The following ALOX15 variants were observed in gnomAD, a reference collection of about 807,000 sequenced individuals.
The protein encoded by ALOX15 is polyunsaturated fatty acid lipoxygenase ALOX15.
In ALOX15, 68 loss-of-function variants were observed where a neutral mutation model predicts 71.7. That is an observed-to-expected ratio of 0.95 (90% confidence interval 0.78 to 1.16). The LOEUF (loss-of-function observed/expected upper bound fraction) is 1.16. ALOX15 is among the 50% of genes most tolerant of loss of function. ALOX15 has a pLI of 0.00. For synonymous variants in ALOX15, 346 were observed against 333.3 expected (o/e 1.04, Z -0.42); for missense variants, 798 against 818.8 (o/e 0.97, Z 0.31).
intron 1 of ALOX15, 110 bp from the exon 2 acceptor site, chr17:4,639,741 G>A: frequency 1.8e-6 from 2 of 1,120,692 alleles, no homozygotes; most frequent in Non-Finnish European, 2.5e-6. Context: ...TCTGAGAGGA[G>A]GAGACGTATC....
chr17:4,638,718 T>G, intron 4 of ALOX15, 34 bp from the exon 5 acceptor site: 1 of 1,613,372 alleles, frequency 6.2e-7, no homozygotes, highest in Non-Finnish European at 8.5e-7. Flanking sequence ...GGTTTGAGCA[T>G]CATTCTGAGG....
chr17:4,633,322 A>C lies in ALOX15; in HGVS notation c.1249-7T>G. The C allele has an allele frequency of 6.2e-7, 1 of 1,612,834 alleles. No homozygotes were observed. The highest frequency in any genetic ancestry group is 2.2e-5 in the East Asian group (1 of 44,840). On this transcript the variant is annotated splice_polypyrimidine_tract_variant and splice_region_variant and intron_variant, in intron 9 of 13. Transcript: ENST00000293761. ...CCCCACCAGTGCTCATTATCTGAGA[A>C]GTGAGGGTGAGCAGGGTCAGGCGAA... is the stretch of plus-strand genomic sequence containing the variant.
rs150908337 is a variant in ALOX15, at chr17:4,635,988, G to C, written c.952-20C>G. ...CTGGAGCTGGAGCAGGGACAAGTGT[G>C]GGGAGAGAAGGCATGAGTGCCAGGC... is the stretch of plus-strand genomic sequence containing the variant. On this transcript the variant is annotated intron_variant, in intron 7 of 13. Transcript: ENST00000293761. The C allele has an allele frequency of 5.6e-4, 898 of 1,610,848 alleles. 10 individuals are homozygous for C. The African/African-American group carries it at 1.0e-2, about 18-fold the overall frequency.
Position 4,632,916 on chromosome 17 carries a change from C to T in ALOX15, c.1485G>A (p.Leu495=). The T allele has an allele frequency of 1.9e-6, 3 of 1,614,130 alleles. No homozygotes were observed. The highest frequency in any genetic ancestry group is 2.2e-5 in the South Asian group (2 of 91,084). ...TDVAVKDDPE[L]QTWCREITEI... ...CAGTGATCTCTCGACACCAGGTCTGCAGCTCTGGGTCGTCTTTCACAGCCA... is the reference window on the plus strand; with the variant it reads ...CAGTGATCTCTCGACACCAGGTCTGTAGCTCTGGGTCGTCTTTCACAGCCA... Residue 495 remains leucine (L), a synonymous_variant, in exon 11 of 14, where the codon CTG becomes CTA. Transcript: ENST00000293761.
At chr17:4,632,368 G>A (rs1348761542) in intron 11 of ALOX15, 87 bp from the exon 12 acceptor site, 7 of 1,077,350 alleles carry the variant, frequency 6.5e-6, no homozygotes, top group South Asian at 1.3e-5. Flanking sequence ...GAACAAGGGC[G>A]AGAAAGAGCG....
intron 8 of ALOX15, among the ~76,000 whole-genome samples, chr17:4,635,122 T>C (rs997453401): frequency 6.6e-6 from 1 of 151,594 alleles, no homozygotes; most frequent in African/African-American, 2.4e-5. Flanking sequence ...CTAGGCTTCT[T>C]TCAGTTCTTT....
intron 10 of ALOX15, 82 bp from the exon 11 acceptor site, chr17:4,633,064 C>T (rs556537212): frequency 6.2e-7 from 1 of 1,609,880 alleles, no homozygotes; most frequent in Non-Finnish European, 8.5e-7. Context: ...CCCAGGCCCC[C>T]AACCAGACGC....
intron 1 of ALOX15, among the ~76,000 whole-genome samples, chr17:4,640,432 C>T (rs993403592): frequency 4.8e-5 from 7 of 145,960 alleles, no homozygotes; most frequent in African/African-American, 1.9e-4. Flanking sequence ...GGCACCAGAG[C>T]TGTGTGGAAT....
Position 4,632,936 on chromosome 17 carries a change from C to A in ALOX15, c.1465G>T (p.Val489Leu), listed in dbSNP as rs766159957. The change falls in exon 11 of 14, where the codon GTG (valine) becomes TTG (leucine). Residue 489 changes from valine (V) to leucine (L), a missense_variant. Physicochemically the swap from Val to Leu is conservative, Grantham distance 32. Transcript: ENST00000293761. The stretch of plus-strand genomic sequence containing the variant: ...GTCTGCAGCTCTGGGTCGTCTTTCA[C>A]AGCCACGTCTGTCTTATAGTGGAGA... ...VSLHYKTDVA[V>L]KDDPELQTWC... 1 of 1,614,176 alleles carries A rather than the reference C, an allele frequency of 6.2e-7. No individual in the cohort carries two copies. Among genetic ancestry groups the A allele is most frequent in the South Asian group, 1.1e-5 (1 of 91,086 alleles).
In ALOX15 at chr17:4,641,530, G is replaced by T; in HGVS notation, c.122C>A (p.Pro41His). 1.2e-6 allele frequency: 2 copies of T among 1,613,014 alleles called. No individual in the cohort carries two copies. Among genetic ancestry groups the T allele is most frequent in the Non-Finnish European group, 1.7e-6 (2 of 1,179,858 alleles). Residue 41 changes from proline (P) to histidine (H), a missense_variant, in exon 1 of 14, where the codon CCC becomes CAC. Transcript: ENST00000293761. ...GEAALGKRLW[P>H]ARGKETELKV... Reference sequence around the variant, plus strand: ...TGGGGAGCTCACCTTGCCCCGTGCGGGCCACAGTCGCTTCCCGAGCGCCGC... The same window carrying T: ...TGGGGAGCTCACCTTGCCCCGTGCGTGCCACAGTCGCTTCCCGAGCGCCGC...
chr17:4,636,151 A>G (rs1404446299), intron 7 of ALOX15, among the ~76,000 whole-genome samples, 183 bp from the exon 8 acceptor site: 1 of 151,946 alleles, frequency 6.6e-6, no homozygotes, highest in Non-Finnish European at 1.5e-5. Flanking sequence ...TCAGTGCATT[A>G]GCACCCTGCA....
At chr17:4,639,926 G>A in intron 1 of ALOX15, 3 of 310,498 alleles carry the variant, frequency 9.7e-6, no homozygotes, top group South Asian at 6.6e-5. Context: ...CGCCCTGGAC[G>A]AGCGCGCTGT....
chr17:4,633,143 CACCGATAG>C lies in ALOX15; in HGVS notation c.1413_1418+2del. The C allele has an allele frequency of 6.2e-7, 1 of 1,613,420 alleles. No homozygotes were observed. The highest frequency in any genetic ancestry group is 8.5e-7 in the Non-Finnish European group (1 of 1,179,560). On this transcript the variant is annotated splice_donor_variant and coding_sequence_variant, in exon 10 of 14. Coordinates refer to ENST00000293761, the MANE Select transcript of ALOX15 (RefSeq NM_001140.5). LOFTEE classifies it high-confidence loss of function. ...CCCCCACTGGCCTTCCCGCTTGCCT[CACCGATAG>C]ATGATTTCCCAGAGCCGCAGCGCAT... is the stretch of plus-strand genomic sequence containing the variant.
At position 4,633,239 on chromosome 17, in the gene ALOX15, C is replaced by T. The variant is rs1567646737; in HGVS notation, c.1325G>A (p.Cys442Tyr). The T allele has an allele frequency of 3.7e-6, 6 of 1,614,060 alleles. No homozygotes were observed. The highest frequency in any genetic ancestry group is 5.1e-6 in the Non-Finnish European group (6 of 1,180,040). Residue 442 changes from cysteine (C) to tyrosine (Y), a missense_variant, in exon 10 of 14, where the codon TGT (cysteine) becomes TAT (tyrosine). By Grantham distance (194) the Cys-to-Tyr change is radical. Transcript: ENST00000293761. ...AGAFLTYSSF[C>Y]PPDDLADRGL... is the part of the protein sequence containing the mutation. ...CCGGTCGGCCAAGTCATCAGGGGGA[C>T]AGAAGGAGCTGTAGGTTAGGAAGGC...
chr17:4,633,302 C>G lies in ALOX15; in HGVS notation c.1262G>C (p.Gly421Ala). 1 of 1,613,802 alleles carries G rather than the reference C, an allele frequency of 6.2e-7. No individual in the cohort carries two copies. Reference protein sequence around the residue: ...MGIFDQIMSTGGGGHVQLLKQ... With the variant: ...MGIFDQIMSTAGGGHVQLLKQ... ...GAGCAGCTGCACGTGGCCTCCCCCA[C>G]CAGTGCTCATTATCTGAGAAGTGAG... is the stretch of plus-strand genomic sequence containing the variant. Residue 421 changes from glycine to alanine, a missense_variant, in exon 10 of 14, where the codon GGT becomes GCT. Gly to Ala is a moderately conservative substitution (Grantham distance 60, BLOSUM62 0). Coordinates refer to ENST00000293761, the MANE Select transcript of ALOX15 (RefSeq NM_001140.5).
At chr17:4,636,434 G>C (rs1399805720) in intron 7 of ALOX15, among the ~76,000 whole-genome samples, 1 of 152,038 alleles carries the variant, frequency 6.6e-6, no homozygotes, top group Non-Finnish European at 1.5e-5. Context: ...TCTCTTTATC[G>C]GTGCTATTTC....
At chr17:4,641,442 C>T in intron 1 of ALOX15, 75 bp downstream of exon 1, 5 of 1,547,178 alleles carry the variant, frequency 3.2e-6, no homozygotes, top group Non-Finnish European at 2.6e-6. Context: ...CCAACGGGGG[C>T]GCATGTCCTC....
At chr17:4,641,461 TTGAC>T (rs1911326718) in intron 1 of ALOX15, 52 bp downstream of exon 1, 4 of 1,587,964 alleles carry the variant, frequency 2.5e-6, no homozygotes, top group Non-Finnish European at 3.4e-6. Context: ...TCCCCGGTAT[TTGAC>T]TGACTCGGAG....
chr17:4,638,772 T>C, intron 4 of ALOX15, 78 bp downstream of exon 4: 2 of 1,613,094 alleles, frequency 1.2e-6, no homozygotes, highest in Non-Finnish European at 1.7e-6. Context: ...GCCAGTCCAA[T>C]GCAGTGCAGC....
Sources: allele counts gnomAD v4.1 joint callset (sites outside exome capture counted in the v4.1 genomes callset), GRCh38; gene constraint gnomAD v4.1.1; transcripts MANE v1.5; gene names NCBI Gene and HGNC (gene_info 2026-07-23, HGNC 2026-07-21).